Variants in RBM19 observed in about 807,000 individuals in gnomAD.
The protein encoded by RBM19 is RNA binding motif protein 19.
In RBM19, 94 loss-of-function variants were observed where a neutral mutation model predicts 116.8. The ratio of observed to expected loss-of-function variants is 0.80; its 90% CI spans 0.68 to 0.95. The LOEUF (loss-of-function observed/expected upper bound fraction) is 0.95, where lower values mean the gene tolerates loss of function less well. Among genes scored for constraint, RBM19 ranks in the 40% least tolerant of loss-of-function variants. The pLI is 0.00. For missense variants in RBM19, 1,161 were observed against 1,220.7 expected (o/e 0.95, Z 0.73); for synonymous variants, 475 against 494.1 (o/e 0.96, Z 0.51).
In RBM19 at chr12:113,922,776, G is replaced by C. The variant is rs569834372; in HGVS notation, c.2305+1921C>G. 6.6e-5 allele frequency among the ~76,000 whole-genome samples: 10 copies of C among 152,250 alleles called. No individual in the cohort carries two copies. The East Asian group carries it at 1.3e-3, about 21-fold the overall frequency. ...TTCCCAGACTCACATGTAGAATCCTGACCCCCAGTATCTCAGATGTGACCT... is the reference window on the plus strand; with the variant it reads ...TTCCCAGACTCACATGTAGAATCCTCACCCCCAGTATCTCAGATGTGACCT... On this transcript the variant is annotated intron_variant, in intron 18 of 23. Coordinates refer to ENST00000261741, the MANE Select transcript of RBM19 (RefSeq NM_016196.4).
intron 6 of RBM19, among the ~76,000 whole-genome samples, chr12:113,957,296 C>G (rs747444775): frequency 3.9e-5 from 6 of 152,184 alleles, no homozygotes; most frequent in Non-Finnish European, 8.8e-5. Context: ...AATGCAGAGG[C>G]TGGGTGCAGT....
At chr12:113,853,768 C>T (rs1252508744) in intron 22 of RBM19, among the ~76,000 whole-genome samples, 2 of 152,150 alleles carry the variant, frequency 1.3e-5, no homozygotes, top group African/African-American at 2.4e-5. Context: ...TGGGGATTGG[C>T]AGGGTTGGAA....
intron 21 of RBM19, among the ~76,000 whole-genome samples, chr12:113,859,754 A>T (rs1878214772): frequency 6.6e-6 from 1 of 152,206 alleles, no homozygotes; most frequent in Non-Finnish European, 1.5e-5. Flanking sequence ...ATATATGCAC[A>T]AATTGCTACC....
intron 23 of RBM19, among the ~76,000 whole-genome samples, chr12:113,840,969 T>C (rs1876418756): frequency 1.3e-5 from 2 of 152,214 alleles, no homozygotes; most frequent in Admixed American, 6.5e-5. Context: ...TGCTCCCCCC[T>C]GGGGCCTTGG....
At position 113,947,332 on chromosome 12, in the gene RBM19, A is replaced by T. The variant is rs1372071557; in HGVS notation, c.1407+2T>A. 6.3e-7 allele frequency: 1 copy of T among 1,591,106 alleles called. No individual in the cohort carries two copies. The highest frequency in any genetic ancestry group is 8.6e-7 in the Non-Finnish European group (1 of 1,162,072). On this transcript the variant is annotated splice_donor_variant, in intron 11 of 23. Coordinates refer to ENST00000261741, the MANE Select transcript of RBM19 (RefSeq NM_016196.4). LOFTEE classifies it high-confidence loss of function. ...CCTGGCCAGCCCAGGACGGGGCCTC[A>T]CCTGGAATACCTGCCCGTCCACCTC...
intron 1 of RBM19, 112 bp downstream of exon 1, chr12:113,966,080 G>A (rs949101162): frequency 5.4e-6 from 7 of 1,290,002 alleles, no homozygotes; most frequent in Non-Finnish European, 6.7e-6. Flanking sequence ...GAATTGGCCC[G>A]GAGTCCTGCC....
chr12:113,830,452 C>T (rs987323240), intron 23 of RBM19, among the ~76,000 whole-genome samples: 1 of 151,866 alleles, frequency 6.6e-6, no homozygotes, highest in African/African-American at 2.4e-5. Context: ...TCCCTCTGTG[C>T]TCTGGGTGTC....
At chr12:113,870,603 C>A (rs2092586517) in intron 21 of RBM19, among the ~76,000 whole-genome samples, 1 of 152,120 alleles carries the variant, frequency 6.6e-6, no homozygotes. Flanking sequence ...AAAAGCAGAG[C>A]AACAAGATCT....
At chr12:113,823,419 G>C in intron 23 of RBM19, 98 bp from the exon 24 acceptor site, 1 of 1,036,380 alleles carries the variant, frequency 9.6e-7, no homozygotes, top group Non-Finnish European at 1.4e-6. Context: ...AGAGGGGAGA[G>C]ATGAGCAGAA....
intron 14 of RBM19, among the ~76,000 whole-genome samples, chr12:113,941,634 C>T (rs188097271): frequency 2.0e-5 from 3 of 151,864 alleles, no homozygotes; most frequent in East Asian, 3.9e-4. Context: ...TCCATTCATC[C>T]ACCATCCATA....
chr12:113,953,141 T>A (rs1206260275), intron 7 of RBM19, among the ~76,000 whole-genome samples: 3 of 152,122 alleles, frequency 2.0e-5, no homozygotes, highest in Admixed American at 6.5e-5. Context: ...CCAGAACAGA[T>A]AAAGACTTCA....
In RBM19 at chr12:113,893,555, C is replaced by T. The variant is rs534550811; in HGVS notation, c.2558+21414G>A. Among the ~76,000 whole-genome samples the T allele has an allele frequency of 5.3e-5, 8 of 152,346 alleles. No homozygotes were observed. In the South Asian group the frequency reaches 1.5e-3, roughly 28 times the overall value. ...CCATCATTTAGCCCGCCCTGTCTCA[C>T]TGCTGAACACTGGTAGTGTTTCTAA... On this transcript the variant is annotated intron_variant, in intron 21 of 23. Coordinates refer to ENST00000261741, the MANE Select transcript of RBM19 (RefSeq NM_016196.4).
chr12:113,920,815 C>A, intron 18 of RBM19, 125 bp from the exon 19 acceptor site: 1 of 834,142 alleles, frequency 1.2e-6, no homozygotes, highest in East Asian at 2.4e-5. Context: ...CCTTCATTCC[C>A]CCCAAAAATC....
intron 12 of RBM19, 81 bp downstream of exon 12, chr12:113,946,273 A>C: frequency 6.3e-7 from 1 of 1,590,864 alleles, no homozygotes; most frequent in Non-Finnish European, 8.6e-7. Flanking sequence ...GAGTCAGAAG[A>C]CCCAGGTGGC....
At chr12:113,942,262 G>A in intron 14 of RBM19, 62 bp downstream of exon 14, 1 of 1,429,638 alleles carries the variant, frequency 7.0e-7, no homozygotes, top group Non-Finnish European at 9.6e-7. Context: ...CATCTCCCCT[G>A]GAAAGGCCAT....
intron 6 of RBM19, among the ~76,000 whole-genome samples, chr12:113,956,447 G>C (rs1268150011): frequency 6.6e-6 from 1 of 151,814 alleles, no homozygotes; most frequent in South Asian, 2.1e-4. Flanking sequence ...TGGGTGTGGT[G>C]GTGTGTGCCT....
Position 113,962,309 on chromosome 12 carries a change from C to T in RBM19, c.142G>A (p.Gly48Ser). ...TGGGCCTCTTCCTCGGACTTGAAGCCAATAAAACCAAACTTGCGGAACTTG... is the reference window on the plus strand; with the variant it reads ...TGGGCCTCTTCCTCGGACTTGAAGCTAATAAAACCAAACTTGCGGAACTTG... ...DGKFRKFGFI[G>S]FKSEEEAQKA... Residue 48 changes from glycine (G) to serine (S), a missense_variant, in exon 2 of 24, where the codon GGC becomes AGC. Physicochemically the swap from Gly to Ser is moderately conservative, Grantham distance 56. Coordinates refer to ENST00000261741, the MANE Select transcript of RBM19 (RefSeq NM_016196.4). 6.2e-7 allele frequency: 1 copy of T among 1,614,242 alleles called. No homozygotes were observed. Among genetic ancestry groups the T allele is most frequent in the Non-Finnish European group, 8.5e-7 (1 of 1,180,050 alleles).
At chr12:113,900,564 C>G (rs972788246) in intron 21 of RBM19, among the ~76,000 whole-genome samples, 1 of 152,160 alleles carries the variant, frequency 6.6e-6, no homozygotes, top group African/African-American at 2.4e-5. Flanking sequence ...GTCATGTAAT[C>G]GCCGGAGGTC....
At chr12:113,820,586 G>A (rs919810304), downstream of RBM19, among the ~76,000 whole-genome samples, 3 of 152,124 alleles carry the variant, frequency 2.0e-5, no homozygotes, top group African/African-American at 7.2e-5. Context: ...TCCAGCTCAC[G>A]GATCAGTCAG....
Sources: allele counts gnomAD v4.1 joint callset (sites outside exome capture counted in the v4.1 genomes callset), GRCh38; gene constraint gnomAD v4.1.1; transcripts MANE v1.5; gene names NCBI Gene and HGNC (gene_info 2026-07-23, HGNC 2026-07-21).